Variants in NAA11 observed in about 807,000 individuals in gnomAD.
NAA11 encodes the protein N-alpha-acetyltransferase 11.
A neutral mutation model predicts 16.1 loss-of-function variants in NAA11; 15 were observed. The observed-to-expected ratio is 0.93, with a 90% CI of 0.62 to 1.44. The LOEUF is 1.44. Ranked by LOEUF, NAA11 falls within the 40% of genes most tolerant of loss-of-function variation. The probability of loss-of-function intolerance (pLI) is 0.00; values close to 1 mark genes in which losing one functional copy is unlikely to be tolerated. For missense variants in NAA11, 298 were observed against 291.3 expected, an observed-to-expected ratio of 1.02 and a Z score of -0.17; for synonymous variants, 122 against 112.4, an observed-to-expected ratio of 1.09 and a Z score of -0.54.
intron 2 of NAA11, among the ~76,000 whole-genome samples, chr4:79,243,735 G>A (rs572152286): frequency 6.6e-6 from 1 of 152,292 alleles, no homozygotes; most frequent in East Asian, 1.9e-4. Context: ...AAAAGAGATC[G>A]AAGCAAGTTT....
chr4:79,272,852 A>G (rs1722530018), intron 2 of NAA11, among the ~76,000 whole-genome samples: 1 of 151,912 alleles, frequency 6.6e-6, no homozygotes. Context: ...AACGGGTTGA[A>G]TTGCTAGAGA....
intron 2 of NAA11, among the ~76,000 whole-genome samples, chr4:79,292,625 A>G (rs985818527): frequency 1.3e-5 from 2 of 152,254 alleles, no homozygotes; most frequent in Non-Finnish European, 2.9e-5. Flanking sequence ...TGTCAAAGGC[A>G]TTCCTTCAAA....
At chr4:79,254,625 TAAAA>T (rs1722063468) in intron 2 of NAA11, among the ~76,000 whole-genome samples, 1 of 150,850 alleles carries the variant, frequency 6.6e-6, no homozygotes, top group South Asian at 2.1e-4. Context: ...CTTAAATATT[TAAAA>T]AGGATTTGTC....
chr4:79,266,249 C>T (rs1198140497), intron 2 of NAA11, among the ~76,000 whole-genome samples: 3 of 152,186 alleles, frequency 2.0e-5, no homozygotes, highest in Non-Finnish European at 4.4e-5. Context: ...AGAGATAAAT[C>T]CCCCGTGATG....
the NAA11 span, among the ~76,000 whole-genome samples, chr4:79,189,737 T>G: frequency 6.6e-5 from 10 of 152,228 alleles, no homozygotes; most frequent in Admixed American, 6.5e-4. Flanking sequence ...TACTTGTACC[T>G]GACTTCTTGT....
At chr4:79,296,699 T>C (rs768428120) in intron 1 of NAA11, among the ~76,000 whole-genome samples, 29 of 152,212 alleles carry the variant, frequency 1.9e-4, no homozygotes, top group Non-Finnish European at 3.1e-4. Flanking sequence ...GAAGGCTCTC[T>C]TTTCTTTGTC....
At chr4:79,246,376 C>CAAAAAA (rs1560420199) in intron 2 of NAA11, among the ~76,000 whole-genome samples, 15 of 114,148 alleles carry the variant, frequency 1.3e-4, no homozygotes, top group South Asian at 2.7e-4. Flanking sequence ...TCAATAAATA[C>CAAAAAA]TAAAAAAAAA....
chr4:79,208,925 C>CAAAAAAAAAAAAAAAAAAAAAAAAAAAA, the NAA11 span, among the ~76,000 whole-genome samples: 1 of 53,960 alleles, frequency 1.9e-5, no homozygotes, highest in Non-Finnish European at 3.6e-5. Context: ...ATATAACTGC[C>CAAAAAAAAAAAAAAAAAAAAAAAAAAAA]AAAAAAAAAA....
intron 2 of NAA11, among the ~76,000 whole-genome samples, chr4:79,279,813 C>G (rs915969829): frequency 8.5e-5 from 13 of 152,100 alleles, no homozygotes; most frequent in African/African-American, 2.9e-4. Context: ...GGAGGCAACC[C>G]AGGACTCATA....
At chr4:79,178,840 G>A in the NAA11 span, among the ~76,000 whole-genome samples, 1 of 152,162 alleles carries the variant, frequency 6.6e-6, no homozygotes, top group African/African-American at 2.4e-5. Flanking sequence ...TGATGTGAAG[G>A]TTAAGGAGAC....
rs1204916633 is a variant in NAA11, at chr4:79,325,221, C to G, written c.657G>C (p.Gln219His). 6.2e-7 allele frequency: 1 copy of G among 1,612,934 alleles called. No individual in the cohort carries two copies. Among genetic ancestry groups the G allele is most frequent in the Non-Finnish European group, 8.5e-7 (1 of 1,179,454 alleles). ...TGGAATCCGAGCTTTCTGAGCTGTC[C>G]TGGACGTTGGTGCTCTCCACAGACT... is the stretch of plus-strand genomic sequence containing the variant. ...PKESVESTNV[Q>H]DSSESSDSTS Residue 219 changes from glutamine (Q) to histidine (H), a missense_variant, in exon 1 of 2, where the codon CAG becomes CAC. Physicochemically the swap from Gln to His is conservative, Grantham distance 24. Transcript: ENST00000286794.
intron 2 of NAA11, among the ~76,000 whole-genome samples, chr4:79,259,325 C>T (rs1261263785): frequency 1.3e-5 from 2 of 152,186 alleles, no homozygotes; most frequent in Non-Finnish European, 2.9e-5. Flanking sequence ...TGGGCGTCAC[C>T]ACATTCCCTG....
At chr4:79,164,528 C>A in the NAA11 span, among the ~76,000 whole-genome samples, 2 of 152,206 alleles carry the variant, frequency 1.3e-5, no homozygotes, top group Non-Finnish European at 2.9e-5. Flanking sequence ...TACACTCTTT[C>A]ACCCACTTAG....
chr4:79,243,395 G>A (rs1052473553), intron 2 of NAA11, among the ~76,000 whole-genome samples: 7 of 152,134 alleles, frequency 4.6e-5, no homozygotes, highest in Admixed American at 2.6e-4. Context: ...CCACATATGC[G>A]CTTACACCAA....
chr4:79,162,286 A>G, the NAA11 span, among the ~76,000 whole-genome samples: 1 of 152,172 alleles, frequency 6.6e-6, no homozygotes, highest in African/African-American at 2.4e-5. Flanking sequence ...GCCTAAGTGA[A>G]GAAAGCTTGA....
In NAA11 at chr4:79,316,795, A is replaced by G. The variant is rs1426468362; in HGVS notation, c.*1009T>C. 6.6e-6 allele frequency: 1 copy of G among 152,188 alleles called. No individual in the cohort carries two copies. The highest frequency in any genetic ancestry group is 1.9e-4 in the East Asian group (1 of 5,204). The allele number at this position is 152,188 out of a possible 1,614,324, so 9.4% of individuals were successfully genotyped here. On this transcript the variant is annotated 3_prime_UTR_variant, in exon 2 of 2. Transcript: ENST00000286794. ...TACAGTAGCCATGTATTAAGCAAAC[A>G]CATTTTTAAACAGCAGATTCTCCAT...
intron 2 of NAA11, among the ~76,000 whole-genome samples, chr4:79,289,912 G>T (rs1002213365): frequency 2.0e-5 from 3 of 152,136 alleles, no homozygotes; most frequent in African/African-American, 7.2e-5. Flanking sequence ...GTGTTAGGAA[G>T]GCTGCTGCTG....
downstream of NAA11, among the ~76,000 whole-genome samples, chr4:79,314,635 TA>T (rs1441104889): frequency 1.3e-5 from 1 of 77,988 alleles, no homozygotes; most frequent in African/African-American, 6.5e-5. Flanking sequence ...TGCTGCTCCT[TA>T]AAATTAAAAA....
At chr4:79,280,340 C>A in intron 2 of NAA11, among the ~76,000 whole-genome samples, 1 of 152,204 alleles carries the variant, frequency 6.6e-6, no homozygotes, top group East Asian at 1.9e-4. Flanking sequence ...AGTGGGCATG[C>A]AGCCCGGTCC....
Sources: gnomAD v4.1 joint callset for allele counts (sites outside exome capture counted in the v4.1 genomes callset) on GRCh38, gnomAD v4.1.1 for gene constraint, MANE v1.5 for transcripts, NCBI Gene and HGNC (gene_info 2026-07-23, HGNC 2026-07-21) for gene names.